The following EEFSEC variants were observed in gnomAD, a reference collection of about 807,000 sequenced individuals.
EEFSEC encodes selenocysteine-specific elongation factor.
EEFSEC carries 43 observed loss-of-function variants against 42.1 expected under a neutral mutation model. The ratio of observed to expected loss-of-function variants is 1.02; its 90% confidence interval spans 0.80 to 1.32. The LOEUF is 1.32. Ranked by LOEUF, EEFSEC falls within the 40% of genes most tolerant of loss-of-function variation. EEFSEC has a pLI of 0.00. For missense variants in EEFSEC, 745 were observed against 803.6 expected, an observed-to-expected ratio of 0.93 and a Z score of 0.88; for synonymous variants, 354 against 339.1, an observed-to-expected ratio of 1.04 and a Z score of -0.48.
At chr3:128,410,082 G>C (rs536339761), downstream of EEFSEC, among the ~76,000 whole-genome samples, 2 of 151,012 alleles carry the variant, frequency 1.3e-5, no homozygotes, top group Non-Finnish European at 2.9e-5. Flanking sequence ...CTGGGGGCAG[G>C]AGAGGCCCCT....
chr3:128,187,462 A>G (rs934192818), intron 1 of EEFSEC, among the ~76,000 whole-genome samples: 17 of 152,202 alleles, frequency 1.1e-4, no homozygotes, highest in Non-Finnish European at 1.9e-4. Flanking sequence ...TTTGTTTACA[A>G]TTCTTCAGCC....
chr3:128,269,032 C>T (rs1489427990), intron 4 of EEFSEC, among the ~76,000 whole-genome samples: 4 of 152,200 alleles, frequency 2.6e-5, no homozygotes, highest in African/African-American at 9.7e-5. Flanking sequence ...GAGTCGCTGC[C>T]CCTGCTCACC....
At chr3:128,213,734 A>G (rs2065782366) in intron 1 of EEFSEC, among the ~76,000 whole-genome samples, 1 of 151,070 alleles carries the variant, frequency 6.6e-6, no homozygotes, top group Non-Finnish European at 1.5e-5. Flanking sequence ...AATGTACGTT[A>G]GAAAAAAATC....
chr3:128,367,834 C>T lies in EEFSEC; in HGVS notation c.1600+9461C>T, dbSNP rs115683162. The T allele has an allele frequency of 1.4e-3, 1,412 of 985,430 alleles. 22 individuals are homozygous for T. In the African/African-American group the frequency reaches 0.022, roughly 16 times the overall value. 61.0% of individuals were successfully genotyped at this position (985,430 alleles called of 1,614,324 possible). A position where few individuals can be genotyped will look rare whatever the true frequency, so the allele number is the denominator to read the frequency against. On this transcript the variant is annotated intron_variant, in intron 6 of 6. Transcript: ENST00000254730. Reference sequence around the variant, plus strand: ...TCCCTTTTCCTGTCACCCATTTCATCTGGAATGCCAAGCAGTTCTGCACTG... The same window carrying T: ...TCCCTTTTCCTGTCACCCATTTCATTTGGAATGCCAAGCAGTTCTGCACTG...
At chr3:128,309,536 A>G (rs555429908) in intron 4 of EEFSEC, among the ~76,000 whole-genome samples, 7 of 152,298 alleles carry the variant, frequency 4.6e-5, no homozygotes, top group African/African-American at 1.4e-4. Context: ...AGATGGGGAA[A>G]CTGAGGTTCA....
intron 1 of EEFSEC, among the ~76,000 whole-genome samples, chr3:128,196,641 G>A (rs1398118010): frequency 5.3e-5 from 8 of 151,766 alleles, no homozygotes. Flanking sequence ...ATTTTTTCAT[G>A]CCTGCAGGAG....
In EEFSEC at chr3:128,329,421, C is replaced by A. The variant is rs1041867617; in HGVS notation, c.787-11812C>A. On this transcript the variant is annotated intron_variant, in intron 4 of 6. Coordinates refer to ENST00000254730, the MANE Select transcript of EEFSEC (RefSeq NM_021937.5). ...AGTGCCACCCAGCCCCACCCCCCCC[C>A]ACCCCCGCTGATGCTCTCAGTCTGG... Among the ~76,000 whole-genome samples the A allele has an allele frequency of 7.2e-5, 11 of 152,246 alleles. No individual in the cohort carries two copies. The East Asian group carries it at 2.1e-3, about 29-fold the overall frequency.
chr3:128,376,090 A>G (rs2067706607), intron 6 of EEFSEC, among the ~76,000 whole-genome samples: 1 of 152,164 alleles, frequency 6.6e-6, no homozygotes, highest in Non-Finnish European at 1.5e-5. Flanking sequence ...CTGCAAGTCC[A>G]GTGGAGTAGG....
chr3:128,316,364 A>G (rs910211263), intron 4 of EEFSEC, among the ~76,000 whole-genome samples: 1 of 152,130 alleles, frequency 6.6e-6, no homozygotes, highest in African/African-American at 2.4e-5. Context: ...TGTCATAGGC[A>G]TTGTTTGTTA....
At chr3:128,206,539 A>G (rs763842888) in intron 1 of EEFSEC, among the ~76,000 whole-genome samples, 22 of 152,296 alleles carry the variant, frequency 1.4e-4, no homozygotes, top group Admixed American at 5.9e-4. Context: ...TACCTGAAGG[A>G]AAGATGATGA....
chr3:128,334,049 C>T (rs2067163046), intron 4 of EEFSEC, among the ~76,000 whole-genome samples: 1 of 152,216 alleles, frequency 6.6e-6, no homozygotes, highest in Non-Finnish European at 1.5e-5. Flanking sequence ...GCTCTGAAAA[C>T]TCCATGGGCA....
At chr3:128,342,152 A>G (rs1192450546) in intron 5 of EEFSEC, among the ~76,000 whole-genome samples, 1 of 149,658 alleles carries the variant, frequency 6.7e-6, no homozygotes. Context: ...TCCCACCCCC[A>G]CTTATTTACA....
chr3:128,171,876 CA>C (rs1277310286), intron 1 of EEFSEC, among the ~76,000 whole-genome samples: 9 of 146,452 alleles, frequency 6.1e-5, no homozygotes, highest in Non-Finnish European at 1.2e-4. Context: ...AATTCAACAA[CA>C]AAAAAATGAT....
intron 1 of EEFSEC, among the ~76,000 whole-genome samples, chr3:128,244,469 G>A (rs1036817511): frequency 6.1e-5 from 9 of 146,760 alleles, no homozygotes; most frequent in African/African-American, 2.2e-4. Flanking sequence ...ACATTGGGGA[G>A]TCTTTTTTTT....
chr3:128,333,906 A>T (rs2067161375), intron 4 of EEFSEC, among the ~76,000 whole-genome samples: 1 of 152,196 alleles, frequency 6.6e-6, no homozygotes, highest in African/African-American at 2.4e-5. Flanking sequence ...TATCGAGCTC[A>T]TCGGGCCTGG....
chr3:128,375,331 T>C (rs1387595824), intron 6 of EEFSEC, among the ~76,000 whole-genome samples: 4 of 152,218 alleles, frequency 2.6e-5, no homozygotes, highest in Admixed American at 2.6e-4. Context: ...AGCACCTGTC[T>C]GTCTGGTGAG....
rs1044323697 is a variant in EEFSEC at position 128,398,191 on chromosome 3, C to T, written c.1601-9878C>T. Among the ~76,000 whole-genome samples, 3 of 152,158 alleles carry T rather than the reference C, an allele frequency of 2.0e-5. No homozygotes were observed. The East Asian group carries it at 5.8e-4, about 29-fold the overall frequency. ...GGGGGCATTGGATCTGTACTCAGGG[C>T]AGAGTGTGGGGGGCCTTGGCCCTAG... On this transcript the variant is annotated intron_variant, in intron 6 of 6. Coordinates refer to ENST00000254730, the MANE Select transcript of EEFSEC (RefSeq NM_021937.5).
chr3:128,376,104 C>T (rs1276437493), intron 6 of EEFSEC, among the ~76,000 whole-genome samples: 1 of 152,190 alleles, frequency 6.6e-6, no homozygotes, highest in African/African-American at 2.4e-5. Flanking sequence ...GAGTAGGGTG[C>T]CTCTTTCCCA....
intron 4 of EEFSEC, among the ~76,000 whole-genome samples, chr3:128,329,412 A>C (rs1056513095): frequency 8.3e-4 from 114 of 137,668 alleles, no homozygotes; most frequent in African/African-American, 1.3e-3. Context: ...ACCCAGCCCC[A>C]CCCCCCCCCA....
Sources: allele counts gnomAD v4.1 joint callset (sites outside exome capture counted in the v4.1 genomes callset), GRCh38; gene constraint gnomAD v4.1.1; transcripts MANE v1.5; gene names NCBI Gene and HGNC (gene_info 2026-07-23, HGNC 2026-07-21).